Variants in CTNNA3 observed in about 807,000 individuals in gnomAD.
The protein encoded by CTNNA3 is catenin alpha-3.
Under a neutral mutation model 95.7 loss-of-function variants are expected in CTNNA3, and 76 were observed. The observed-to-expected ratio is 0.79, with a 90% CI of 0.66 to 0.96. The LOEUF (loss-of-function observed/expected upper bound fraction) is 0.96, where lower values mean the gene tolerates loss of function less well. Ranked by LOEUF, CTNNA3 falls within the 40% of genes least tolerant of loss-of-function variation. CTNNA3 has a pLI of 0.00. For missense variants in CTNNA3, 1,191 were observed against 1,089.8 expected, an observed-to-expected ratio of 1.09 and a Z score of -1.31; for synonymous variants, 431 against 374.4, an observed-to-expected ratio of 1.15 and a Z score of -1.74.
chr10:65,967,721 T>TC (rs2078004175), intron 16 of CTNNA3, among the ~76,000 whole-genome samples: 1 of 152,232 alleles, frequency 6.6e-6, no homozygotes, highest in African/African-American at 2.4e-5. Context: ...TTGAGCTTTA[T>TC]CATACCATGG....
intron 12 of CTNNA3, among the ~76,000 whole-genome samples, chr10:66,359,011 A>G (rs1016180375): frequency 3.9e-5 from 6 of 152,210 alleles, no homozygotes; most frequent in Non-Finnish European, 8.8e-5. Flanking sequence ...CCACAGTTAA[A>G]CAACTGAAAG....
At chr10:66,834,592 G>A (rs975700414) in intron 7 of CTNNA3, among the ~76,000 whole-genome samples, 6 of 152,120 alleles carry the variant, frequency 3.9e-5, no homozygotes, top group South Asian at 2.1e-4. Context: ...CCAATTTAGC[G>A]GAGAACACAA....
At chr10:66,474,377 T>C (rs1282536723) in intron 11 of CTNNA3, among the ~76,000 whole-genome samples, 1 of 152,060 alleles carries the variant, frequency 6.6e-6, no homozygotes, top group Non-Finnish European at 1.5e-5. Context: ...CAAATGACAA[T>C]ATTTCATTTT....
At chr10:66,648,902 C>T (rs936045615) in intron 9 of CTNNA3, among the ~76,000 whole-genome samples, 1 of 152,074 alleles carries the variant, frequency 6.6e-6, no homozygotes, top group African/African-American at 2.4e-5. Flanking sequence ...GATCCATCTG[C>T]ATATAGCTGG....
intron 17 of CTNNA3, among the ~76,000 whole-genome samples, chr10:65,963,837 A>C (rs1365611587): frequency 6.6e-6 from 1 of 152,216 alleles, no homozygotes; most frequent in Non-Finnish European, 1.5e-5. Context: ...AATTTTAATT[A>C]AATGGTGTAT....
At chr10:67,121,310 T>G (rs1313899396) in intron 7 of CTNNA3, among the ~76,000 whole-genome samples, 2 of 152,166 alleles carry the variant, frequency 1.3e-5, no homozygotes, top group Admixed American at 6.6e-5. Context: ...TTTATGGAAA[T>G]GACAGAAGCT....
At chr10:66,772,919 G>T (rs935672313) in intron 8 of CTNNA3, among the ~76,000 whole-genome samples, 4 of 152,128 alleles carry the variant, frequency 2.6e-5, no homozygotes, top group Non-Finnish European at 4.4e-5. Context: ...TAAAGCAAAC[G>T]ATGAACATTA....
intron 1 of CTNNA3, among the ~76,000 whole-genome samples, chr10:67,682,565 C>T (rs184397977): frequency 5.3e-5 from 8 of 152,138 alleles, no homozygotes; most frequent in African/African-American, 1.7e-4. Context: ...TTAGTATACA[C>T]TGTTGAAGGG....
intron 17 of CTNNA3, among the ~76,000 whole-genome samples, chr10:65,922,189 G>A (rs569066892): frequency 6.6e-6 from 1 of 151,998 alleles, no homozygotes; most frequent in Non-Finnish European, 1.5e-5. Context: ...ATTATTTTTC[G>A]ATATCAAATA....
At chr10:67,713,508 A>G (rs542674713) in intron 1 of CTNNA3, among the ~76,000 whole-genome samples, 10 of 152,352 alleles carry the variant, frequency 6.6e-5, no homozygotes, top group African/African-American at 2.4e-4. Context: ...AGCGCTATTC[A>G]CAATAGCAAA....
chr10:66,043,009 TAA>T (rs953511373), intron 15 of CTNNA3, among the ~76,000 whole-genome samples: 8 of 121,276 alleles, frequency 6.6e-5, no homozygotes, highest in Admixed American at 1.8e-4. Context: ...ACTATGGAAA[TAA>T]AAGGATGAAA....
intron 13 of CTNNA3, among the ~76,000 whole-genome samples, chr10:66,173,837 C>T (rs565640228): frequency 2.6e-5 from 4 of 152,250 alleles, no homozygotes; most frequent in African/African-American, 9.6e-5. Context: ...GTGCATTCAA[C>T]ATCTATTGAG....
intron 1 of CTNNA3, among the ~76,000 whole-genome samples, chr10:67,678,834 T>C (rs528022427): frequency 6.6e-6 from 1 of 152,294 alleles, no homozygotes; most frequent in Admixed American, 6.5e-5. Context: ...AGTATCAGTC[T>C]ATTAGAAAAG....
intron 11 of CTNNA3, among the ~76,000 whole-genome samples, chr10:66,438,171 G>A (rs762441904): frequency 2.0e-5 from 3 of 152,172 alleles, no homozygotes; most frequent in Admixed American, 6.5e-5. Context: ...AGGAGGCACC[G>A]GGTTCAGGGA....
chr10:67,043,508 T>C (rs1474117335), intron 7 of CTNNA3, among the ~76,000 whole-genome samples: 3 of 152,104 alleles, frequency 2.0e-5, no homozygotes, highest in Non-Finnish European at 4.4e-5. Context: ...TTTCTTCTAG[T>C]ATAGGGTTTA....
At chr10:67,258,990 T>C (rs969730412) in intron 5 of CTNNA3, among the ~76,000 whole-genome samples, 3 of 152,194 alleles carry the variant, frequency 2.0e-5, no homozygotes, top group African/African-American at 7.2e-5. Context: ...ATACCTAATA[T>C]AATGTAACTA....
At position 66,651,644 on chromosome 10, in the gene CTNNA3, C is replaced by T. The variant is rs933652689; in HGVS notation, c.1282-29860G>A. 9.1e-5 allele frequency among the ~76,000 whole-genome samples: 12 copies of T among 131,700 alleles called. No homozygotes were observed. The East Asian group carries it at 1.9e-3, about 21-fold the overall frequency. 86.4% of individuals were successfully genotyped at this position (131,700 alleles called of 152,430 possible). ...GGCTGAGGCCCTGAGAGAATTCCAG[C>T]GCAGTGCCCGCCGGCCGGCACTGCT... On this transcript the variant is annotated intron_variant, in intron 9 of 17. Transcript: ENST00000433211.
intron 12 of CTNNA3, among the ~76,000 whole-genome samples, chr10:66,332,805 C>G (rs1297362747): frequency 6.6e-6 from 1 of 152,032 alleles, no homozygotes; most frequent in Non-Finnish European, 1.5e-5. Context: ...AGGAATGGTA[C>G]CAGCTCCTCC....
chr10:66,794,533 G>A (rs752531518), intron 7 of CTNNA3, among the ~76,000 whole-genome samples: 6 of 152,146 alleles, frequency 3.9e-5, no homozygotes, highest in Non-Finnish European at 7.4e-5. Flanking sequence ...ACAGCCATAT[G>A]AGCCTTCAGC....
Sources: allele counts gnomAD v4.1 joint callset (sites outside exome capture counted in the v4.1 genomes callset), GRCh38; gene constraint gnomAD v4.1.1; transcripts MANE v1.5; gene names NCBI Gene and HGNC (gene_info 2026-07-23, HGNC 2026-07-21).